DPP10: variants seen among roughly 807,000 people sequenced by gnomAD.
The protein encoded by DPP10 is inactive dipeptidyl peptidase 10.
Under a neutral mutation model 120.9 loss-of-function variants are expected in DPP10, and 33 were observed. The observed-to-expected ratio is 0.27, with a 90% CI of 0.21 to 0.37. The LOEUF (loss-of-function observed/expected upper bound fraction) is 0.37. Among genes scored for constraint, DPP10 ranks in the 10% least tolerant of loss-of-function variants. The pLI is 1.00. For synonymous variants in DPP10, 337 were observed against 326.1 expected, an observed-to-expected ratio of 1.03 and a Z score of -0.36; for missense variants, 816 against 942.8, an observed-to-expected ratio of 0.87 and a Z score of 1.76.
intron 3 of DPP10, among the ~76,000 whole-genome samples, chr2:115,417,182 A>G (rs1011932386): frequency 1.4e-4 from 22 of 152,234 alleles, no homozygotes; most frequent in African/African-American, 5.1e-4. Context: ...GAGCTCCCCA[A>G]TATAGAAGCA....
chr2:115,337,069 A>C (rs1173117138), intron 2 of DPP10, among the ~76,000 whole-genome samples: 1 of 152,014 alleles, frequency 6.6e-6, no homozygotes. Flanking sequence ...TTGTAACTAT[A>C]AATTGCCTGT....
chr2:115,312,041 C>T (rs114263878), intron 2 of DPP10, among the ~76,000 whole-genome samples: 2,853 of 152,182 alleles, frequency 0.019, 106 homozygotes, highest in African/African-American at 0.066. Context: ...CAATCATAAG[C>T]CACCACACCC....
chr2:114,517,845 A>G (rs1353256100), intron 1 of DPP10, among the ~76,000 whole-genome samples: 1 of 152,198 alleles, frequency 6.6e-6, no homozygotes, highest in Non-Finnish European at 1.5e-5. Flanking sequence ...GTGAGTGCCA[A>G]GATGAATCAA....
chr2:115,209,612 C>T (rs1023915807), intron 1 of DPP10, among the ~76,000 whole-genome samples: 47 of 152,032 alleles, frequency 3.1e-4, no homozygotes, highest in Admixed American at 2.4e-3. Context: ...GTCTGCCTTG[C>T]TTTAATCATT....
intron 1 of DPP10, among the ~76,000 whole-genome samples, chr2:114,602,713 T>G (rs2105235801): frequency 6.6e-6 from 1 of 152,138 alleles, no homozygotes; most frequent in Non-Finnish European, 1.5e-5. Flanking sequence ...TATTCTTCAA[T>G]TTCATGAGTA....
chr2:115,763,021 G>T (rs1357404018), intron 12 of DPP10, among the ~76,000 whole-genome samples: 2 of 152,120 alleles, frequency 1.3e-5, no homozygotes, highest in Non-Finnish European at 2.9e-5. Flanking sequence ...TTGTATTCTA[G>T]CTCACAATTC....
intron 1 of DPP10, among the ~76,000 whole-genome samples, chr2:115,113,893 C>T (rs370759414): frequency 3.9e-5 from 6 of 152,222 alleles, no homozygotes; most frequent in African/African-American, 9.6e-5. Flanking sequence ...ATTGATCATA[C>T]ACATTGAGTC....
intron 1 of DPP10, among the ~76,000 whole-genome samples, chr2:114,495,072 G>A (rs1682389318): frequency 6.6e-6 from 1 of 152,094 alleles, no homozygotes; most frequent in Non-Finnish European, 1.5e-5. Flanking sequence ...AACAAGTATA[G>A]TAATCTCACT....
chr2:114,669,797 A>G (rs1698195996), intron 1 of DPP10, among the ~76,000 whole-genome samples: 1 of 151,982 alleles, frequency 6.6e-6, no homozygotes, highest in Non-Finnish European at 1.5e-5. Flanking sequence ...CATTTCAGGG[A>G]GAAAAAATAT....
chr2:115,075,958 T>C (rs1178889303), intron 1 of DPP10, among the ~76,000 whole-genome samples: 1 of 152,152 alleles, frequency 6.6e-6, no homozygotes, highest in East Asian at 1.9e-4. Context: ...AGGCTGCTAT[T>C]GTGAATCATG....
intron 1 of DPP10, among the ~76,000 whole-genome samples, chr2:114,524,829 C>A (rs557186438): frequency 3.0e-4 from 46 of 152,284 alleles, no homozygotes; most frequent in African/African-American, 1.1e-3. Context: ...TTGTTTGTTT[C>A]TCAGTTTGCC....
At chr2:115,305,606 A>G (rs1451550566) in intron 1 of DPP10, among the ~76,000 whole-genome samples, 5 of 151,876 alleles carry the variant, frequency 3.3e-5, no homozygotes, top group Non-Finnish European at 5.9e-5. Context: ...GTGTGATGGC[A>G]CTATGCCTGT....
intron 3 of DPP10, among the ~76,000 whole-genome samples, chr2:115,391,552 C>G (rs1037756206): frequency 6.6e-6 from 1 of 152,054 alleles, no homozygotes; most frequent in African/African-American, 2.4e-5. Context: ...CTATAATCGT[C>G]ATCAGCTAAG....
chr2:114,972,355 G>C (rs17043859), intron 1 of DPP10, among the ~76,000 whole-genome samples: 8,495 of 152,106 alleles, frequency 0.056, 297 homozygotes, highest in East Asian at 0.12. Flanking sequence ...TGGCCTCAGT[G>C]GTTTATAATT....
intron 5 of DPP10, among the ~76,000 whole-genome samples, chr2:115,535,988 G>T (rs1052409586): frequency 6.6e-6 from 1 of 151,962 alleles, no homozygotes; most frequent in Non-Finnish European, 1.5e-5. Context: ...TGCTGAAGTT[G>T]CTTATCAGCT....
At chr2:114,911,414 A>T (rs1472036887) in intron 1 of DPP10, among the ~76,000 whole-genome samples, 1 of 152,212 alleles carries the variant, frequency 6.6e-6, no homozygotes, top group Non-Finnish European at 1.5e-5. Context: ...AAGCATAAAA[A>T]ATTTTAAAAG....
intron 1 of DPP10, among the ~76,000 whole-genome samples, chr2:114,540,085 A>G (rs981244251): frequency 6.6e-6 from 1 of 152,216 alleles, no homozygotes; most frequent in Non-Finnish European, 1.5e-5. Flanking sequence ...AATGTGCAAC[A>G]TATTTTCAAA....
intron 1 of DPP10, among the ~76,000 whole-genome samples, chr2:114,787,241 T>C (rs953541459): frequency 2.0e-5 from 3 of 152,178 alleles, no homozygotes; most frequent in African/African-American, 7.2e-5. Flanking sequence ...AGAGCATTCC[T>C]GGCAGAGAGA....
intron 9 of DPP10, among the ~76,000 whole-genome samples, chr2:115,745,104 C>T (rs1375569052): frequency 1.3e-5 from 2 of 150,238 alleles, no homozygotes; most frequent in South Asian, 2.1e-4. Flanking sequence ...CATTCCTGCC[C>T]CTTACTCACA....
Sources: gnomAD v4.1 joint callset for allele counts (sites outside exome capture counted in the v4.1 genomes callset) on GRCh38, gnomAD v4.1.1 for gene constraint, MANE v1.5 for transcripts, NCBI Gene and HGNC (gene_info 2026-07-23, HGNC 2026-07-21) for gene names.